The following SLC35B4 variants were observed in gnomAD, a reference collection of about 807,000 sequenced individuals.
SLC35B4 encodes nucleotide sugar transporter SLC35B4.
SLC35B4 carries 28 observed loss-of-function variants against 39.5 expected under a neutral mutation model. That is an observed-to-expected ratio of 0.71 (90% CI 0.53 to 0.97). The LOEUF (loss-of-function observed/expected upper bound fraction) is 0.97. SLC35B4 is among the 50% of genes least tolerant of loss of function. The pLI is 0.00. For missense variants in SLC35B4, 334 were observed against 414.3 expected (o/e 0.81, Z 1.68); for synonymous variants, 145 against 150.4 (o/e 0.96, Z 0.26).
chr7:134,315,653 C>CA (rs1247170575), intron 1 of SLC35B4, among the ~76,000 whole-genome samples: 1 of 144,286 alleles, frequency 6.9e-6, no homozygotes, highest in African/African-American at 2.6e-5. Flanking sequence ...AAAAAAAAAA[C>CA]AAAAAACAAA....
At chr7:134,301,060 T>C (rs1803569132) in intron 6 of SLC35B4, among the ~76,000 whole-genome samples, 1 of 152,206 alleles carries the variant, frequency 6.6e-6, no homozygotes, top group Admixed American at 6.5e-5. Context: ...TAATAGCACA[T>C]AAGGATCTTT....
At chr7:134,303,676 T>C (rs1011510075) in intron 4 of SLC35B4, among the ~76,000 whole-genome samples, 3 of 152,192 alleles carry the variant, frequency 2.0e-5, no homozygotes, top group African/African-American at 4.8e-5. Context: ...TTTCCAAGCA[T>C]GTATAGAGAG....
At chr7:134,310,860 C>T (rs1274786517) in intron 1 of SLC35B4, among the ~76,000 whole-genome samples, 1 of 152,136 alleles carries the variant, frequency 6.6e-6, no homozygotes, top group African/African-American at 2.4e-5. Context: ...GTATTTTCAT[C>T]TTGACCAAAG....
intron 9 of SLC35B4, chr7:134,295,309 T>C (rs545841996): frequency 1.0e-5 from 5 of 477,350 alleles, no homozygotes; most frequent in South Asian, 4.6e-5. Flanking sequence ...ATTATTCTTA[T>C]GTTGGAGTCT....
upstream of SLC35B4, among the ~76,000 whole-genome samples, chr7:134,318,155 G>C (rs147772652): frequency 7.1e-3 from 1,074 of 152,292 alleles, 13 homozygotes; most frequent in African/African-American, 0.019. Context: ...TGAAGTACTC[G>C]TTATCGAGTG....
chr7:134,293,008 C>T lies in SLC35B4; in HGVS notation c.*1825G>A, dbSNP rs892139356. 6.6e-6 allele frequency: 1 copy of T among 152,202 alleles called. No homozygotes were observed. The highest frequency in any genetic ancestry group is 2.4e-5 in the African/African-American group (1 of 41,436). The allele number at this position is 152,202 out of a possible 1,614,324, so 9.4% of individuals were successfully genotyped here. A position where few individuals can be genotyped will look rare whatever the true frequency, so the allele number is the denominator to read the frequency against. ...GGTGACTCTAGGACATTTATCTCCACTGCTGTTGCTCAAATCCATCAGAGA... is the reference window on the plus strand; with the variant it reads ...GGTGACTCTAGGACATTTATCTCCATTGCTGTTGCTCAAATCCATCAGAGA... On this transcript the variant is annotated 3_prime_UTR_variant, in exon 10 of 10. Transcript: ENST00000378509.
intron 1 of SLC35B4, among the ~76,000 whole-genome samples, chr7:134,310,683 T>C (rs1318662718): frequency 2.6e-5 from 4 of 152,142 alleles, no homozygotes; most frequent in Non-Finnish European, 5.9e-5. Flanking sequence ...GAGCTGGGAC[T>C]ACAGGTGCCC....
intron 8 of SLC35B4, among the ~76,000 whole-genome samples, chr7:134,298,138 TACAC>T (rs1286752205): frequency 6.6e-6 from 1 of 152,202 alleles, no homozygotes; most frequent in Non-Finnish European, 1.5e-5. Context: ...CATATATACA[TACAC>T]ACGCATACAC....
At chr7:134,302,357 T>C (rs1803603017) in intron 4 of SLC35B4, among the ~76,000 whole-genome samples, 1 of 152,188 alleles carries the variant, frequency 6.6e-6, no homozygotes, top group Non-Finnish European at 1.5e-5. Context: ...AATCGATTAT[T>C]TCATCAGGAG....
chr7:134,304,197 G>A (rs1357546136), intron 4 of SLC35B4, among the ~76,000 whole-genome samples: 2 of 151,932 alleles, frequency 1.3e-5, no homozygotes, highest in Non-Finnish European at 2.9e-5. Flanking sequence ...GAGACCAGCG[G>A]GGACAACATG....
At chr7:134,295,154 C>T (rs1803433754) in intron 9 of SLC35B4, 75 bp from the exon 10 acceptor site, 4 of 1,551,954 alleles carry the variant, frequency 2.6e-6, no homozygotes, top group Non-Finnish European at 2.6e-6. Context: ...CTGGCATGGT[C>T]CCTGGTTTAA....
At chr7:134,317,304 G>GAT (rs138401878), upstream of SLC35B4, among the ~76,000 whole-genome samples, 5,036 of 151,964 alleles carry the variant, frequency 0.033, 294 homozygotes, top group African/African-American at 0.12. Context: ...TTCCTGAACT[G>GAT]ATATATATAT....
upstream of SLC35B4, among the ~76,000 whole-genome samples, chr7:134,319,997 C>G (rs1334503731): frequency 6.6e-6 from 1 of 152,176 alleles, no homozygotes; most frequent in African/African-American, 2.4e-5. Flanking sequence ...CCTGCTGCCT[C>G]CAGGCTGATT....
Position 134,294,641 on chromosome 7 carries a change from G to C in SLC35B4, c.*192C>G, listed in dbSNP as rs1803414629. ...CAGAACTGTTCTTTTTTCTATTTTAGGGCTGAGGGGTTTCTATTTAGTCTA... is the reference window on the plus strand; with the variant it reads ...CAGAACTGTTCTTTTTTCTATTTTACGGCTGAGGGGTTTCTATTTAGTCTA... On this transcript the variant is annotated 3_prime_UTR_variant, in exon 10 of 10. Transcript: ENST00000378509. 4 of 603,726 alleles carry C rather than the reference G, an allele frequency of 6.6e-6. No homozygotes were observed. In the South Asian group the frequency reaches 8.7e-5, roughly 13 times the overall value. The allele number at this position is 603,726 out of a possible 1,614,324, so 37.4% of individuals were successfully genotyped here.
chr7:134,316,949 A>G, upstream of SLC35B4: 1 of 591,172 alleles, frequency 1.7e-6, no homozygotes, highest in Non-Finnish European at 3.0e-6. Flanking sequence ...GTTCGCAGTC[A>G]GCTTCGGTCC....
upstream of SLC35B4, among the ~76,000 whole-genome samples, chr7:134,320,140 C>T (rs774824594): frequency 6.6e-5 from 10 of 152,240 alleles, no homozygotes; most frequent in Non-Finnish European, 1.0e-4. Context: ...AAAACCCACA[C>T]ACTGTATTTC....
intron 8 of SLC35B4, among the ~76,000 whole-genome samples, chr7:134,298,049 G>T (rs952529100): frequency 6.6e-6 from 1 of 152,178 alleles, no homozygotes; most frequent in Admixed American, 6.5e-5. Flanking sequence ...GAATTATACA[G>T]CATAATTTAA....
At chr7:134,300,506 T>G (rs1365513008) in intron 6 of SLC35B4, among the ~76,000 whole-genome samples, 1 of 152,204 alleles carries the variant, frequency 6.6e-6, no homozygotes, top group Non-Finnish European at 1.5e-5. Context: ...CATATGGAAT[T>G]TTATATCTTG....
At chr7:134,320,138 C>T (rs1273982134), upstream of SLC35B4, among the ~76,000 whole-genome samples, 1 of 152,198 alleles carries the variant, frequency 6.6e-6, no homozygotes, top group Non-Finnish European at 1.5e-5. Flanking sequence ...AAAAAACCCA[C>T]ACACTGTATT....
Sources: gnomAD v4.1 joint callset for allele counts (sites outside exome capture counted in the v4.1 genomes callset) on GRCh38, gnomAD v4.1.1 for gene constraint, MANE v1.5 for transcripts, NCBI Gene and HGNC (gene_info 2026-07-23, HGNC 2026-07-21) for gene names.